BBS9: variants seen among roughly 807,000 people sequenced by gnomAD.
BBS9 encodes the protein protein PTHB1.
BBS9 carries 89 observed loss-of-function variants against 117.7 expected under a neutral mutation model. That is an observed-to-expected ratio of 0.76 (90% CI 0.64 to 0.90). BBS9 has a LOEUF of 0.90. Ranked by LOEUF, BBS9 falls within the 40% of genes least tolerant of loss-of-function variation. The pLI, the probability that BBS9 is intolerant of heterozygous loss-of-function variation, is 0.00. For missense variants in BBS9, 982 were observed against 1,042.2 expected (o/e 0.94, Z 0.80); for synonymous variants, 379 against 370.9 (o/e 1.02, Z -0.25).
chr7:33,413,189 A>G (rs1044573168), intron 19 of BBS9, among the ~76,000 whole-genome samples: 14 of 152,078 alleles, frequency 9.2e-5, no homozygotes, highest in African/African-American at 3.4e-4. Flanking sequence ...CATTCCTACA[A>G]CTCTCAGTAT....
intron 21 of BBS9, among the ~76,000 whole-genome samples, chr7:33,571,560 G>T (rs1397172255): frequency 6.6e-6 from 1 of 151,388 alleles, no homozygotes; most frequent in Non-Finnish European, 1.5e-5. Flanking sequence ...TTATTTTTTT[G>T]CCATATTTCT....
chr7:33,133,006 T>G (rs947737245), intron 1 of BBS9, among the ~76,000 whole-genome samples: 1 of 152,182 alleles, frequency 6.6e-6, no homozygotes, highest in Non-Finnish European at 1.5e-5. Context: ...CGCAGGCTGG[T>G]CCTGAACTCC....
At chr7:33,522,033 G>T (rs1194338787) in intron 20 of BBS9, among the ~76,000 whole-genome samples, 1 of 151,456 alleles carries the variant, frequency 6.6e-6, no homozygotes, top group Non-Finnish European at 1.5e-5. Context: ...TACTGAGAAT[G>T]ATGATTTCCA....
intron 19 of BBS9, among the ~76,000 whole-genome samples, chr7:33,422,758 G>T (rs1833050233): frequency 6.6e-6 from 1 of 152,238 alleles, no homozygotes; most frequent in African/African-American, 2.4e-5. Context: ...AAATGCGAAT[G>T]TTCAGTTTAT....
chr7:33,406,057 T>C (rs1253979263), intron 19 of BBS9, among the ~76,000 whole-genome samples: 1 of 152,202 alleles, frequency 6.6e-6, no homozygotes, highest in Non-Finnish European at 1.5e-5. Flanking sequence ...TTTGTTCTCG[T>C]TGGTTTCAAA....
At chr7:33,447,468 G>A (rs1837161797) in intron 19 of BBS9, among the ~76,000 whole-genome samples, 1 of 152,178 alleles carries the variant, frequency 6.6e-6, no homozygotes, top group South Asian at 2.1e-4. Context: ...AGTGGACTTT[G>A]AATAGGCTTT....
intron 5 of BBS9, among the ~76,000 whole-genome samples, chr7:33,196,612 G>A (rs962837126): frequency 1.3e-5 from 2 of 152,166 alleles, no homozygotes; most frequent in African/African-American, 4.8e-5. Context: ...ATGTTAGAGC[G>A]TAATGTTAGA....
intron 15 of BBS9, among the ~76,000 whole-genome samples, chr7:33,353,159 A>G (rs1818983459): frequency 6.6e-6 from 1 of 152,200 alleles, no homozygotes; most frequent in Non-Finnish European, 1.5e-5. Flanking sequence ...ACAACTTATT[A>G]CTGCAAGTCA....
In BBS9 at chr7:33,351,486, G is replaced by C. The variant is rs1319213356; in HGVS notation, c.1537+163G>C. 4.4e-6 allele frequency: 3 copies of C among 675,020 alleles called. No homozygotes were observed. The Admixed American group carries it at 6.3e-5, about 14-fold the overall frequency. The allele number at this position is 675,020 out of a possible 1,614,324, so 41.8% of individuals were successfully genotyped here. A position where few individuals can be genotyped will look rare whatever the true frequency, so the allele number is the denominator to read the frequency against. ...TTTTCATTACTTTTATGTGTTATGA[G>C]TAGTTCGTGATAAGGCTATTTAGCT... On this transcript the variant is annotated intron_variant, in intron 14 of 22. Coordinates refer to ENST00000242067, the MANE Select transcript of BBS9 (RefSeq NM_198428.3).
At position 33,299,213 on chromosome 7, in the gene BBS9, C is replaced by T. The variant is rs560274898; in HGVS notation, c.1016+25257C>T. 1.1e-4 allele frequency among the ~76,000 whole-genome samples: 17 copies of T among 152,166 alleles called. No individual in the cohort carries two copies. In the South Asian group the frequency reaches 3.5e-3, roughly 32 times the overall value. On this transcript the variant is annotated intron_variant, in intron 9 of 22. Coordinates refer to ENST00000242067, the MANE Select transcript of BBS9 (RefSeq NM_198428.3). ...AGACTTTCAGTCATAATATTAAAAC[C>T]GAAGGATGGGTACTGTATTTTGATG...
chr7:33,291,911 G>A (rs1037787433), intron 9 of BBS9, among the ~76,000 whole-genome samples: 3 of 152,048 alleles, frequency 2.0e-5, no homozygotes, highest in Admixed American at 6.5e-5. Flanking sequence ...CTTTAGGGCC[G>A]CTCCACTTTC....
intron 5 of BBS9, among the ~76,000 whole-genome samples, chr7:33,206,587 C>G (rs909775571): frequency 6.6e-6 from 1 of 152,114 alleles, no homozygotes; most frequent in African/African-American, 2.4e-5. Flanking sequence ...CCCTCTCTCT[C>G]TCATGTGTGT....
At chr7:33,500,613 G>A (rs927383119) in intron 19 of BBS9, among the ~76,000 whole-genome samples, 3 of 152,208 alleles carry the variant, frequency 2.0e-5, no homozygotes, top group Non-Finnish European at 4.4e-5. Context: ...TCAGTCCTCA[G>A]GAAATGACAG....
At chr7:33,232,407 G>C (rs1792642888) in intron 5 of BBS9, among the ~76,000 whole-genome samples, 1 of 152,104 alleles carries the variant, frequency 6.6e-6, no homozygotes. Context: ...TTTAAGTCAA[G>C]TACTGTTGAA....
intron 6 of BBS9, among the ~76,000 whole-genome samples, chr7:33,260,885 A>C (rs1413832240): frequency 6.6e-6 from 1 of 152,214 alleles, no homozygotes; most frequent in African/African-American, 2.4e-5. Flanking sequence ...CTTCCCCAGC[A>C]ACCCCTCAAT....
chr7:33,386,781 A>G (rs1292035363), intron 18 of BBS9, among the ~76,000 whole-genome samples: 1 of 152,054 alleles, frequency 6.6e-6, no homozygotes. Flanking sequence ...GGCGTGAGCC[A>G]CCGTGCCCGG....
intron 21 of BBS9, among the ~76,000 whole-genome samples, chr7:33,572,274 G>T (rs1316658959): frequency 6.6e-6 from 1 of 152,008 alleles, no homozygotes; most frequent in Non-Finnish European, 1.5e-5. Flanking sequence ...CAAAGGAAAG[G>T]ATTTCATTCT....
In BBS9 at chr7:33,423,632, G is replaced by A. The variant is rs192493420; in HGVS notation, c.2115+35488G>A. 3.9e-5 allele frequency among the ~76,000 whole-genome samples: 6 copies of A among 152,050 alleles called. No homozygotes were observed. The East Asian group carries it at 9.7e-4, about 24-fold the overall frequency. ...AGTCAGTAAACTTCAGAAATTATAG[G>A]TGCCCCAGGAAATAAATTAAAGGCC... On this transcript the variant is annotated intron_variant, in intron 19 of 22. Transcript: ENST00000242067.
Position 33,358,097 on chromosome 7 carries a change from G to A in BBS9, c.1693+102G>A. 2.8e-6 allele frequency: 4 copies of A among 1,444,934 alleles called. No individual in the cohort carries two copies. In the Middle Eastern group the frequency reaches 5.2e-4, roughly 188 times the overall value. 89.5% of individuals were successfully genotyped at this position (1,444,934 alleles called of 1,614,324 possible). A position where few individuals can be genotyped will look rare whatever the true frequency, so the allele number is the denominator to read the frequency against. On this transcript the variant is annotated intron_variant, in intron 16 of 22. Transcript: ENST00000242067. ...ATGATGGGGTAATTATCAGATAATT[G>A]TTAAGTAAGAGTATAAAAATGCCTC...
Sources: allele counts gnomAD v4.1 joint callset (sites outside exome capture counted in the v4.1 genomes callset), GRCh38; gene constraint gnomAD v4.1.1; transcripts MANE v1.5; gene names NCBI Gene and HGNC (gene_info 2026-07-23, HGNC 2026-07-21).